Variants in STPG4 observed in about 807,000 individuals in gnomAD.
STPG4 encodes the protein sperm-tail PG-rich repeat containing 4, also known as protein STPG4.
Under a neutral mutation model 31.5 loss-of-function variants are expected in STPG4, and 41 were observed. The ratio of observed to expected loss-of-function variants is 1.30; its 90% CI spans 1.01 to 1.69. STPG4 has a LOEUF of 1.69. Ranked by LOEUF, STPG4 falls within the 40% of genes most tolerant of loss-of-function variation. The probability of loss-of-function intolerance (pLI) is 0.00; values close to 1 mark genes in which losing one functional copy is unlikely to be tolerated. For synonymous variants in STPG4, 141 were observed against 103.0 expected, an observed-to-expected ratio of 1.37 and a Z score of -2.24; for missense variants, 375 against 293.4, an observed-to-expected ratio of 1.28 and a Z score of -2.03.
intron 5 of STPG4, among the ~76,000 whole-genome samples, chr2:47,106,111 G>C (rs1356770761): frequency 6.6e-6 from 1 of 151,910 alleles, no homozygotes; most frequent in Admixed American, 6.6e-5. Flanking sequence ...GAAAGAGAAA[G>C]AGACAAAGGA....
At chr2:47,100,114 G>T (rs1358032888) in intron 5 of STPG4, among the ~76,000 whole-genome samples, 1 of 152,126 alleles carries the variant, frequency 6.6e-6, no homozygotes, top group Non-Finnish European at 1.5e-5. Flanking sequence ...GCTGAGGAGT[G>T]CGGGCACATG....
intron 5 of STPG4, among the ~76,000 whole-genome samples, chr2:47,106,225 AT>A (rs1280628208): frequency 6.6e-6 from 1 of 151,808 alleles, no homozygotes; most frequent in African/African-American, 2.4e-5. Flanking sequence ...GCCAAGGCAT[AT>A]TTTTCTATGT....
At chr2:47,120,138 T>C (rs1449960663) in intron 5 of STPG4, among the ~76,000 whole-genome samples, 1 of 152,054 alleles carries the variant, frequency 6.6e-6, no homozygotes. Context: ...CAAGATCAGC[T>C]TGGGCAATAT....
chr2:47,101,898 A>G (rs1685808239), intron 5 of STPG4, among the ~76,000 whole-genome samples: 1 of 151,754 alleles, frequency 6.6e-6, no homozygotes, highest in Non-Finnish European at 1.5e-5. Context: ...AAGTCCCAAC[A>G]CTAACAGGAG....
intron 5 of STPG4, among the ~76,000 whole-genome samples, chr2:47,100,125 G>A (rs35046861): frequency 0.055 from 8,347 of 152,190 alleles, 400 homozygotes; most frequent in African/African-American, 0.11. Context: ...CGGGCACATG[G>A]TGCGGGACTG....
chr2:47,117,303 G>C (rs1293039894), intron 5 of STPG4, among the ~76,000 whole-genome samples: 1 of 152,154 alleles, frequency 6.6e-6, no homozygotes, highest in Non-Finnish European at 1.5e-5. Context: ...TCCTCCTTCT[G>C]GGTTCAAGTG....
At chr2:47,131,302 G>A (rs1358767449) in intron 3 of STPG4, among the ~76,000 whole-genome samples, 2 of 150,366 alleles carry the variant, frequency 1.3e-5, no homozygotes, top group Non-Finnish European at 3.0e-5. Context: ...AATTTTCTTG[G>A]TCTTAATAGA....
At position 47,102,872 on chromosome 2, in the gene STPG4, G is replaced by T. The variant is rs150586445; in HGVS notation, c.520-12498C>A. On this transcript the variant is annotated intron_variant, in intron 5 of 6. Coordinates refer to ENST00000445927, the MANE Select transcript of STPG4 (RefSeq NM_001163561.2). ...GGGAGGTTTTCAGATGATCCTGATA[G>T]GTACATAGATCCTATGTACCTATCA... is the stretch of plus-strand genomic sequence containing the variant. Among the ~76,000 whole-genome samples, 32 of 151,862 alleles carry T rather than the reference G, an allele frequency of 2.1e-4. No homozygotes were observed. In the East Asian group the frequency reaches 5.8e-3, roughly 27 times the overall value.
chr2:47,121,404 C>A (rs1217246319), intron 5 of STPG4, among the ~76,000 whole-genome samples: 1 of 152,128 alleles, frequency 6.6e-6, no homozygotes, highest in African/African-American at 2.4e-5. Flanking sequence ...ACTCAGCTCC[C>A]AGAACACTGA....
intron 3 of STPG4, among the ~76,000 whole-genome samples, chr2:47,146,761 G>T (rs1172710875): frequency 1.3e-5 from 2 of 152,132 alleles, no homozygotes; most frequent in African/African-American, 4.8e-5. Flanking sequence ...AGATGGAGAT[G>T]AGGGAAGAGC....
At chr2:47,155,018 C>T (rs369649291) in intron 1 of STPG4, among the ~76,000 whole-genome samples, 153 bp downstream of exon 1, 3 of 151,976 alleles carry the variant, frequency 2.0e-5, no homozygotes, top group Non-Finnish European at 4.4e-5. Flanking sequence ...AAGGAAGGTC[C>T]GCAGGTGGAG....
intron 5 of STPG4, among the ~76,000 whole-genome samples, chr2:47,125,554 T>C (rs1318838195): frequency 6.6e-6 from 1 of 152,236 alleles, no homozygotes; most frequent in African/African-American, 2.4e-5. Flanking sequence ...GTTGATTGTT[T>C]CCTTTGTTGT....
intron 5 of STPG4, among the ~76,000 whole-genome samples, chr2:47,114,477 C>T (rs116232613): frequency 0.014 from 2,169 of 151,868 alleles, 62 homozygotes; most frequent in African/African-American, 0.049. Flanking sequence ...ACTGCACTCC[C>T]GCCTGGGTGA....
At chr2:47,137,499 A>C (rs1191566300) in intron 3 of STPG4, among the ~76,000 whole-genome samples, 1 of 152,162 alleles carries the variant, frequency 6.6e-6, no homozygotes, top group African/African-American at 2.4e-5. Flanking sequence ...TAATAGAATG[A>C]GTTAGGAGGT....
intron 3 of STPG4, among the ~76,000 whole-genome samples, chr2:47,132,302 G>A (rs1285046918): frequency 1.3e-5 from 2 of 152,074 alleles, no homozygotes. Context: ...TAAAATCCTA[G>A]GACCTGAAGT....
intron 3 of STPG4, among the ~76,000 whole-genome samples, chr2:47,139,039 T>C (rs1179681075): frequency 1.3e-5 from 2 of 152,180 alleles, no homozygotes; most frequent in Non-Finnish European, 2.9e-5. Context: ...GAATGTTCCA[T>C]GTGAGCTGGA....
At chr2:47,123,365 T>C (rs1686310865) in intron 5 of STPG4, among the ~76,000 whole-genome samples, 1 of 152,202 alleles carries the variant, frequency 6.6e-6, no homozygotes, top group African/African-American at 2.4e-5. Flanking sequence ...AATTAATTAA[T>C]TCACCAAATA....
intron 3 of STPG4, among the ~76,000 whole-genome samples, chr2:47,146,933 T>C (rs1305265594): frequency 6.6e-6 from 1 of 151,960 alleles, no homozygotes; most frequent in Non-Finnish European, 1.5e-5. Flanking sequence ...GCTGAGGAGT[T>C]TGAGACCAGC....
intron 5 of STPG4, among the ~76,000 whole-genome samples, chr2:47,097,399 G>C (rs767727693): frequency 8.5e-5 from 13 of 152,090 alleles, no homozygotes; most frequent in Non-Finnish European, 1.8e-4. Context: ...CCCAAAATTC[G>C]TATGTTGGAA....
Sources: gnomAD v4.1 joint callset for allele counts (sites outside exome capture counted in the v4.1 genomes callset) on GRCh38, gnomAD v4.1.1 for gene constraint, MANE v1.5 for transcripts, NCBI Gene and HGNC (gene_info 2026-07-23, HGNC 2026-07-21) for gene names.